The following GDPD3 variants were observed in gnomAD, a reference collection of about 807,000 sequenced individuals.
GDPD3 encodes lysophospholipase D GDPD3.
GDPD3 carries 40 observed loss-of-function variants against 43.7 expected under a neutral mutation model. That is an observed-to-expected ratio of 0.91 (90% CI 0.71 to 1.19). The LOEUF is 1.19. Among genes scored for constraint, GDPD3 ranks in the 50% most tolerant of loss-of-function variants. The probability of loss-of-function intolerance (pLI) is 0.00; values close to 1 mark genes in which losing one functional copy is unlikely to be tolerated. For synonymous variants in GDPD3, 145 were observed against 162.9 expected (o/e 0.89, Z 0.84); for missense variants, 363 against 415.8 (o/e 0.87, Z 1.11).
In GDPD3 at chr16:30,113,295, TG is replaced by T; in HGVS notation, c.139+44del. ...GCATGCCCCCTTGGACCTACCCCTC[TG>T]TGCTGTCCACTTTGGCACCTGTTCT... On this transcript the variant is annotated intron_variant, in intron 1 of 9. Transcript: ENST00000406256. This position sits in a 1 kb window ranked among gnomAD's most constrained non-coding sequence, Gnocchi z 5.9. 6.4e-7 allele frequency: 1 copy of T among 1,558,060 alleles called. No homozygotes were observed. Among genetic ancestry groups the T allele is most frequent in the Non-Finnish European group, 8.7e-7 (1 of 1,149,854 alleles).
intron 9 of GDPD3, among the ~76,000 whole-genome samples, chr16:30,105,792 C>T (rs552401263): frequency 2.0e-4 from 30 of 149,510 alleles, no homozygotes; most frequent in African/African-American, 6.3e-4. Context: ...TGTGAGCCAC[C>T]GCGCCCGGCC....
Position 30,112,335 on chromosome 16 carries a change from T to C in GDPD3, c.454A>G (p.Lys152Glu), listed in dbSNP as rs1251231379. The stretch of plus-strand genomic sequence containing the variant: ...CGGATGAGCTCTTCGTTCTTCCCTT[T>C]GATCTCTACGCTCATGGGTGTCCTT... ...FPRTPMSVEI[K>E]GKNEELIREI... Residue 152 changes from lysine (K) to glutamate (E), a missense_variant, in exon 5 of 10, where the codon AAA becomes GAA. Transcript: ENST00000406256. The surrounding 1 kb of genome is among the most constrained non-coding windows in gnomAD (Gnocchi z 5.4). 1.2e-6 allele frequency: 2 copies of C among 1,614,224 alleles called. No individual in the cohort carries two copies. The highest frequency in any genetic ancestry group is 2.2e-5 in the South Asian group (2 of 91,088).
At chr16:30,105,486 CAATT>C (rs1043380080) in intron 9 of GDPD3, among the ~76,000 whole-genome samples, 3 of 150,550 alleles carry the variant, frequency 2.0e-5, no homozygotes, top group Admixed American at 6.6e-5. Flanking sequence ...TATATACTGA[CAATT>C]AAATTATTTA....
At chr16:30,111,094 G>T (rs905416734) in intron 7 of GDPD3, 3 of 241,242 alleles carry the variant, frequency 1.2e-5, no homozygotes, top group Non-Finnish European at 2.4e-5. Flanking sequence ...ACCCTCACTG[G>T]TCTCATTTAC....
chr16:30,105,991 A>G (rs1002003921), intron 9 of GDPD3, among the ~76,000 whole-genome samples: 1 of 151,894 alleles, frequency 6.6e-6, no homozygotes, highest in Non-Finnish European at 1.5e-5. Context: ...GGCGACTGTA[A>G]TCCCAGCTAC....
chr16:30,112,058 TG>T lies in GDPD3; in HGVS notation c.573+73del. ...ACCCCTCTAGCTCGGGTCCCCATGC[TG>T]GGTGGGCTCCAGCTCTGGGGAGGAG... On this transcript the variant is annotated intron_variant, in intron 6 of 9. Transcript: ENST00000406256. This position sits in a 1 kb window ranked among gnomAD's most constrained non-coding sequence, Gnocchi z 5.4. 8.1e-7 allele frequency: 1 copy of T among 1,227,366 alleles called. No homozygotes were observed. The highest frequency in any genetic ancestry group is 1.2e-6 in the Non-Finnish European group (1 of 840,740). The allele number at this position is 1,227,366 out of a possible 1,614,324, so 76.0% of individuals were successfully genotyped here. A position where few individuals can be genotyped will look rare whatever the true frequency, so the allele number is the denominator to read the frequency against.
chr16:30,112,268 G>T lies in GDPD3; in HGVS notation c.483+38C>A. 6.2e-7 allele frequency: 1 copy of T among 1,611,922 alleles called. No homozygotes were observed. Among genetic ancestry groups the T allele is most frequent in the Admixed American group, 1.7e-5 (1 of 60,014 alleles). ...GAAGGGAGAGCCAGGCCTCTCTCAC[G>T]CCCCCGGTGGCCGCCCTAGCCCTGC... On this transcript the variant is annotated intron_variant, in intron 5 of 9. Coordinates refer to ENST00000406256, the MANE Select transcript of GDPD3 (RefSeq NM_024307.3). The surrounding 1 kb of genome is among the most constrained non-coding windows in gnomAD (Gnocchi z 5.4).
intron 9 of GDPD3, chr16:30,107,673 AT>A (rs913519676): frequency 1.3e-5 from 2 of 152,572 alleles, no homozygotes; most frequent in African/African-American, 2.4e-5. Flanking sequence ...ACATATCCAT[AT>A]GTTGGCAATG....
rs1480862610 is a variant in GDPD3, at chr16:30,112,352, G to C, written c.437C>G (p.Pro146Arg). The change falls in exon 5 of 10, where the codon CCC becomes CGC. Residue 146 changes from proline (P) to arginine (R), a missense_variant. By Grantham distance (103) the Pro-to-Arg change is moderately radical (BLOSUM62 -2). Coordinates refer to ENST00000406256, the MANE Select transcript of GDPD3 (RefSeq NM_024307.3). This position sits in a 1 kb window ranked among gnomAD's most constrained non-coding sequence, Gnocchi z 5.4. ...CTTCCCTTTGATCTCTACGCTCATG[G>C]GTGTCCTTGGAAACCTCTGGAACAG... is the stretch of plus-strand genomic sequence containing the variant. ...EDLFQRFPRTPMSVEIKGKNE... is the reference protein window; with the variant it reads ...EDLFQRFPRTRMSVEIKGKNE... 5 of 1,614,060 alleles carry C rather than the reference G, an allele frequency of 3.1e-6. No homozygotes were observed. The East Asian group carries it at 8.9e-5, about 29-fold the overall frequency.
At position 30,112,288 on chromosome 16, in the gene GDPD3, C is replaced by A; in HGVS notation, c.483+18G>T. 6.2e-7 allele frequency: 1 copy of A among 1,613,706 alleles called. No homozygotes were observed. The highest frequency in any genetic ancestry group is 8.5e-7 in the Non-Finnish European group (1 of 1,179,598). On this transcript the variant is annotated intron_variant, in intron 5 of 9. Transcript: ENST00000406256. The surrounding 1 kb of genome is among the most constrained non-coding windows in gnomAD (Gnocchi z 5.4). ...CTCACGCCCCCGGTGGCCGCCCTAGCCCTGCCTGCAGCACCACCTCACGGA... is the reference window on the plus strand; with the variant it reads ...CTCACGCCCCCGGTGGCCGCCCTAGACCTGCCTGCAGCACCACCTCACGGA...
intron 6 of GDPD3, 47 bp from the exon 7 acceptor site, chr16:30,111,568 C>T: frequency 6.2e-7 from 1 of 1,605,184 alleles, no homozygotes; most frequent in South Asian, 1.1e-5. Context: ...TCTGGGGAAG[C>T]AGAGAGGAGG....
In GDPD3 at chr16:30,113,395, C is replaced by T. The variant is rs1265280817; in HGVS notation, c.84G>A (p.Leu28=). Residue 28 remains leucine (L), a synonymous_variant, in exon 1 of 10, where the codon CTG becomes CTA. Coordinates refer to ENST00000406256, the MANE Select transcript of GDPD3 (RefSeq NM_024307.3). This position sits in a 1 kb window ranked among gnomAD's most constrained non-coding sequence, Gnocchi z 5.9. Reference sequence around the variant, plus strand: ...AGGTGGGAGCCCTGGGCGTGTGCAGCAGATGAGGCCGGCGCAGGAAGAAGA... The same window carrying T: ...AGGTGGGAGCCCTGGGCGTGTGCAGTAGATGAGGCCGGCGCAGGAAGAAGA... ...LSIFFLRRPH[L]LHTPRAPTFR... 22 of 1,612,398 alleles carry T rather than the reference C, an allele frequency of 1.4e-5. No homozygotes were observed. Among genetic ancestry groups the T allele is most frequent in the Non-Finnish European group, 1.9e-5 (22 of 1,179,000 alleles).
chr16:30,105,972 G>T (rs548061009), intron 9 of GDPD3, among the ~76,000 whole-genome samples: 1 of 151,838 alleles, frequency 6.6e-6, no homozygotes, highest in South Asian at 2.1e-4. Context: ...TTAGCTGGGC[G>T]TGGTGGCGGG....
Position 30,113,006 on chromosome 16 carries a change from G to A in GDPD3, c.182+16C>T, listed in dbSNP as rs750822886. ...CACCCTCACATGGCAGCCTGGGCAG[G>A]GGCAGATACACTCACTTCTCCATGG... On this transcript the variant is annotated intron_variant, in intron 2 of 9. Coordinates refer to ENST00000406256, the MANE Select transcript of GDPD3 (RefSeq NM_024307.3). This position sits in a 1 kb window ranked among gnomAD's most constrained non-coding sequence, Gnocchi z 5.9. The A allele has an allele frequency of 5.6e-6, 9 of 1,611,342 alleles. No individual in the cohort carries two copies. Among genetic ancestry groups the A allele is most frequent in the Admixed American group, 3.3e-5 (2 of 59,952 alleles).
Position 30,108,040 on chromosome 16 carries a change from CGTGT to C in GDPD3, c.819+169_819+172del, listed in dbSNP as rs149175898. ...ACAGAAGAAGAAAATTGTGTGTGTT[CGTGT>C]GTGTGTGTGTGTGTATCCAGAGAGT... On this transcript the variant is annotated intron_variant, in intron 9 of 9. Transcript: ENST00000406256. 561 of 520,568 alleles carry C rather than the reference CGTGT, an allele frequency of 1.1e-3. 1 individual carries two copies. Among genetic ancestry groups the C allele is most frequent in the Non-Finnish European group, 1.4e-3 (419 of 290,812 alleles). The allele number at this position is 520,568 out of a possible 1,614,324, so 32.2% of individuals were successfully genotyped here.
At chr16:30,106,894 A>G (rs1422893963) in intron 9 of GDPD3, among the ~76,000 whole-genome samples, 1 of 152,066 alleles carries the variant, frequency 6.6e-6, no homozygotes, top group Non-Finnish European at 1.5e-5. Context: ...TTTTTAGTAG[A>G]GATGGGGTTT....
chr16:30,109,076 C>T (rs549660479), intron 7 of GDPD3, among the ~76,000 whole-genome samples: 7 of 152,190 alleles, frequency 4.6e-5, no homozygotes, highest in East Asian at 3.9e-4. Context: ...GTGATCCGCC[C>T]GCCTTGGCCT....
Position 30,110,111 on chromosome 16 carries a change from AGTC to A in GDPD3, c.707+1274_707+1276del, listed in dbSNP as rs1290463315. 3.3e-5 allele frequency among the ~76,000 whole-genome samples: 5 copies of A among 152,082 alleles called. No homozygotes were observed. The East Asian group carries it at 7.7e-4, about 24-fold the overall frequency. On this transcript the variant is annotated intron_variant, in intron 7 of 9. Transcript: ENST00000406256. ...CCTCCTGGGGGTGCTGCAAGGTAAA[AGTC>A]AACCCAAAATATGTTAAAACACTTT...
At chr16:30,111,600 G>A in intron 6 of GDPD3, 79 bp from the exon 7 acceptor site, 5 of 1,510,312 alleles carry the variant, frequency 3.3e-6, no homozygotes, top group Non-Finnish European at 4.5e-6. Context: ...GGGGAGCCGT[G>A]GTGGGCATTC....
Sources: allele counts gnomAD v4.1 joint callset (sites outside exome capture counted in the v4.1 genomes callset), GRCh38; gene constraint gnomAD v4.1.1; non-coding constraint Gnocchi (gnomAD v3.1); transcripts MANE v1.5; gene names NCBI Gene and HGNC (gene_info 2026-07-23, HGNC 2026-07-21).